Variants in RALGAPA2 observed in about 807,000 individuals in gnomAD.
RALGAPA2 encodes the protein ral GTPase-activating protein subunit alpha-2.
Under a neutral mutation model 230.4 loss-of-function variants are expected in RALGAPA2, and 139 were observed. The ratio of observed to expected loss-of-function variants is 0.60; its 90% CI spans 0.53 to 0.69. The LOEUF is 0.69. Among genes scored for constraint, RALGAPA2 ranks in the 30% least tolerant of loss-of-function variants. The probability of loss-of-function intolerance (pLI) is 0.00; values close to 1 mark genes in which losing one functional copy is unlikely to be tolerated. For missense variants in RALGAPA2, 2,163 were observed against 2,276.0 expected (o/e 0.95, Z 1.01); for synonymous variants, 847 against 837.8 (o/e 1.01, Z -0.19).
intron 16 of RALGAPA2, among the ~76,000 whole-genome samples, chr20:20,599,562 C>T (rs926844446): frequency 6.6e-6 from 1 of 152,170 alleles, no homozygotes; most frequent in Non-Finnish European, 1.5e-5. Context: ...GATTTACTTG[C>T]TGCTTTACTA....
chr20:20,465,133 C>T (rs1281901717), intron 37 of RALGAPA2, among the ~76,000 whole-genome samples: 2 of 130,574 alleles, frequency 1.5e-5, no homozygotes, highest in Non-Finnish European at 3.3e-5. Context: ...AGCTTCTTCC[C>T]TCCCCCCGCA....
At chr20:20,521,126 C>A in intron 30 of RALGAPA2, 26 bp from the exon 31 acceptor site, 2 of 1,556,834 alleles carry the variant, frequency 1.3e-6, no homozygotes, top group South Asian at 1.2e-5. Flanking sequence ...CCATGTGCAC[C>A]ACGGATGCTA....
At chr20:20,659,798 A>G (rs949593989) in intron 3 of RALGAPA2, 2 of 883,436 alleles carry the variant, frequency 2.3e-6, no homozygotes, top group African/African-American at 3.4e-5. Context: ...GGAGAGAAGG[A>G]AAAAACAGAA....
At chr20:20,569,888 T>C (rs1236314984) in intron 23 of RALGAPA2, among the ~76,000 whole-genome samples, 1 of 152,182 alleles carries the variant, frequency 6.6e-6, no homozygotes, top group Non-Finnish European at 1.5e-5. Context: ...CTGCAAAATA[T>C]TAGCATAAGG....
chr20:20,561,982 C>A (rs1029649248), intron 23 of RALGAPA2, among the ~76,000 whole-genome samples: 2 of 152,106 alleles, frequency 1.3e-5, no homozygotes, highest in African/African-American at 4.8e-5. Flanking sequence ...CTGGAGGGGG[C>A]AAAATTCCCC....
Position 20,530,767 on chromosome 20 carries a change from A to G in RALGAPA2, c.3582+920T>C, listed in dbSNP as rs2063348351. ...TGGCTCAGTGAGGTGGTCATTCTAG[A>G]GCCTTGAACAAGTTCCTTAATGATC... On this transcript the variant is annotated intron_variant, in intron 27 of 39. Coordinates refer to ENST00000202677, the MANE Select transcript of RALGAPA2 (RefSeq NM_020343.4). Among the ~76,000 whole-genome samples the G allele has an allele frequency of 2.6e-5, 4 of 152,102 alleles. No homozygotes were observed. In the South Asian group the frequency reaches 8.3e-4, roughly 32 times the overall value.
intron 32 of RALGAPA2, among the ~76,000 whole-genome samples, chr20:20,512,186 T>C (rs1016856434): frequency 2.0e-5 from 3 of 150,032 alleles, no homozygotes; most frequent in Non-Finnish European, 4.4e-5. Context: ...AGACTCTGTC[T>C]CAAAAAACAA....
chr20:20,661,183 G>A (rs976455539), intron 3 of RALGAPA2, among the ~76,000 whole-genome samples: 4 of 152,228 alleles, frequency 2.6e-5, no homozygotes, highest in South Asian at 4.1e-4. Flanking sequence ...TTTTGAGACA[G>A]AGCCTCGCTC....
intron 39 of RALGAPA2, among the ~76,000 whole-genome samples, chr20:20,394,630 CA>C (rs11087320): frequency 0.91 from 136,002 of 150,030 alleles, 61,814 homozygotes; most frequent in East Asian, 0.95. Context: ...GACCCAGTCT[CA>C]AAAAAAAAAC....
chr20:20,540,366 A>G (rs2063610475), intron 24 of RALGAPA2, among the ~76,000 whole-genome samples: 1 of 152,256 alleles, frequency 6.6e-6, no homozygotes, highest in African/African-American at 2.4e-5. Flanking sequence ...TGTAACATTT[A>G]TTCCTACTAT....
Position 20,513,268 on chromosome 20 carries a change from A to G in RALGAPA2, c.4101T>C (p.Ser1367=), listed in dbSNP as rs1298704066. The G allele has an allele frequency of 2.7e-6, 4 of 1,463,744 alleles. No homozygotes were observed. Among genetic ancestry groups the G allele is most frequent in the Non-Finnish European group, 3.6e-6 (4 of 1,108,576 alleles). 90.7% of individuals were successfully genotyped at this position (1,463,744 alleles called of 1,614,324 possible). A position where few individuals can be genotyped will look rare whatever the true frequency, so the allele number is the denominator to read the frequency against. ...GAGCAGTCAAAGGGATCAACTCCAA[A>G]CTTCTTCTCTTCTTCTCTGTAAACA... ...LTVEEEKKRR[S]LELIPLTARM... is the part of the protein sequence containing the mutation. The change falls in exon 32 of 40, where the codon AGT becomes AGC. Residue 1367 remains serine (S), a synonymous_variant. Coordinates refer to ENST00000202677, the MANE Select transcript of RALGAPA2 (RefSeq NM_020343.4).
At chr20:20,411,464 G>GT (rs1157507957) in intron 38 of RALGAPA2, among the ~76,000 whole-genome samples, 1 of 152,158 alleles carries the variant, frequency 6.6e-6, no homozygotes, top group Non-Finnish European at 1.5e-5. Context: ...TTGTAAGCTA[G>GT]TTTCTAAACG....
intron 37 of RALGAPA2, among the ~76,000 whole-genome samples, chr20:20,422,128 G>T (rs566264193): frequency 2.2e-4 from 33 of 152,174 alleles, no homozygotes; most frequent in Non-Finnish European, 4.6e-4. Flanking sequence ...GGGGCCAGAG[G>T]CAGGGGAGAA....
At chr20:20,459,941 C>T (rs929380301) in intron 37 of RALGAPA2, among the ~76,000 whole-genome samples, 2 of 152,204 alleles carry the variant, frequency 1.3e-5, no homozygotes, top group Non-Finnish European at 2.9e-5. Context: ...CCACATGCCT[C>T]TCCCAGAGCA....
intron 37 of RALGAPA2, among the ~76,000 whole-genome samples, chr20:20,416,671 T>C (rs2060171741): frequency 6.6e-6 from 1 of 152,224 alleles, no homozygotes; most frequent in African/African-American, 2.4e-5. Context: ...CTTTATAAAA[T>C]ACAACAAAAC....
rs560975406 is a variant in RALGAPA2, at chr20:20,454,699, GAA to G, written c.5495+18128_5495+18129del. On this transcript the variant is annotated intron_variant, in intron 37 of 39. Transcript: ENST00000202677. ...GCTCCTTTGGCCTCAGTGGTCCAGGGAAAGACAGATCTTCACTCTCCAGCCTC... is the reference window on the plus strand; with the variant it reads ...GCTCCTTTGGCCTCAGTGGTCCAGGGAGACAGATCTTCACTCTCCAGCCTC... Among the ~76,000 whole-genome samples, 15 of 152,236 alleles carry G rather than the reference GAA, an allele frequency of 9.9e-5. No individual in the cohort carries two copies. The East Asian group carries it at 2.9e-3, about 29-fold the overall frequency.
intron 24 of RALGAPA2, 139 bp from the exon 25 acceptor site, chr20:20,536,923 G>A: frequency 2.0e-6 from 2 of 1,017,872 alleles, no homozygotes; most frequent in East Asian, 2.9e-5. Flanking sequence ...GCATATTTAA[G>A]CAAAAGAGGT....
rs771080921 is a variant in RALGAPA2 at position 20,712,482 on chromosome 20, C to T, written c.-2G>A. The T allele has an allele frequency of 2.3e-5, 36 of 1,545,410 alleles. No homozygotes were observed. Among genetic ancestry groups the T allele is most frequent in the Non-Finnish European group, 8.7e-6 (10 of 1,144,636 alleles). On this transcript the variant is annotated 5_prime_UTR_variant, in exon 1 of 40. Transcript: ENST00000202677. The surrounding 1 kb of genome is among the most constrained non-coding windows in gnomAD (Gnocchi z 5.5). The stretch of plus-strand genomic sequence containing the variant: ...CCCGTGGCTCCTTCGGGAGAACATC[C>T]CGCGGCAGGAAGCCCGGGCCCCGCC...
At chr20:20,477,139 T>C (rs2061671866) in intron 36 of RALGAPA2, among the ~76,000 whole-genome samples, 1 of 152,192 alleles carries the variant, frequency 6.6e-6, no homozygotes, top group African/African-American at 2.4e-5. Context: ...TGGGGTGGTA[T>C]TACACAAGTG....
Sources: gnomAD v4.1 joint callset for allele counts (sites outside exome capture counted in the v4.1 genomes callset) on GRCh38, gnomAD v4.1.1 for gene constraint, Gnocchi (gnomAD v3.1) non-coding constraint, MANE v1.5 for transcripts, NCBI Gene and HGNC (gene_info 2026-07-23, HGNC 2026-07-21) for gene names.